The following LDB2 variants were observed in gnomAD, a reference collection of about 807,000 sequenced individuals.
The protein encoded by LDB2 is LIM domain-binding protein 2.
LDB2 carries 12 observed loss-of-function variants against 44.3 expected under a neutral mutation model. That is an observed-to-expected ratio of 0.27 (90% CI 0.17 to 0.44). The LOEUF (loss-of-function observed/expected upper bound fraction) is 0.44, where lower values mean the gene tolerates loss of function less well. Among genes scored for constraint, LDB2 ranks in the 20% least tolerant of loss-of-function variants. LDB2 has a pLI of 1.00. For missense variants in LDB2, 344 were observed against 473.5 expected, an observed-to-expected ratio of 0.73 and a Z score of 2.54; for synonymous variants, 164 against 174.8, an observed-to-expected ratio of 0.94 and a Z score of 0.49.
At chr4:16,807,837 A>G (rs1373294506) in intron 1 of LDB2, among the ~76,000 whole-genome samples, 1 of 152,252 alleles carries the variant, frequency 6.6e-6, no homozygotes, top group Non-Finnish European at 1.5e-5. Context: ...GCCTTGGCAC[A>G]TGAGAAATTG....
intron 2 of LDB2, among the ~76,000 whole-genome samples, chr4:16,652,910 A>C (rs1738715912): frequency 1.3e-5 from 2 of 152,220 alleles, no homozygotes; most frequent in Non-Finnish European, 2.9e-5. Context: ...TTCAGTAAAC[A>C]CTGAATATAA....
chr4:16,577,491 T>C (rs1712177138), intron 5 of LDB2, among the ~76,000 whole-genome samples: 1 of 151,950 alleles, frequency 6.6e-6, no homozygotes, highest in Non-Finnish European at 1.5e-5. Context: ...ACAAATTAAA[T>C]AAAATACCTA....
chr4:16,820,942 A>G (rs1293224102), intron 1 of LDB2, among the ~76,000 whole-genome samples: 1 of 152,218 alleles, frequency 6.6e-6, no homozygotes, highest in Non-Finnish European at 1.5e-5. Flanking sequence ...CTAAATGGCA[A>G]ATTTCCATTG....
At chr4:16,664,794 G>A (rs529943231) in intron 2 of LDB2, among the ~76,000 whole-genome samples, 22 of 152,304 alleles carry the variant, frequency 1.4e-4, no homozygotes, top group African/African-American at 5.3e-4. Context: ...GTGCACATTT[G>A]TACTCTCTGC....
chr4:16,576,326 A>G (rs187622347), intron 5 of LDB2, among the ~76,000 whole-genome samples: 137 of 152,266 alleles, frequency 9.0e-4, no homozygotes, highest in African/African-American at 3.0e-3. Flanking sequence ...TAAACAAATT[A>G]GAAAAACCTT....
chr4:16,825,172 G>A (rs1031104358), intron 1 of LDB2, among the ~76,000 whole-genome samples: 4 of 152,096 alleles, frequency 2.6e-5, no homozygotes, highest in African/African-American at 9.7e-5. Flanking sequence ...AAAAGGAAGC[G>A]ACCTGTTTCA....
chr4:16,665,900 TGAA>T (rs1743024386), intron 2 of LDB2, among the ~76,000 whole-genome samples: 1 of 152,120 alleles, frequency 6.6e-6, no homozygotes, highest in African/African-American at 2.4e-5. Context: ...GGAGGCCATG[TGAA>T]GAAGGAGGCA....
At chr4:16,876,896 T>C (rs1302988049) in intron 1 of LDB2, among the ~76,000 whole-genome samples, 6 of 149,182 alleles carry the variant, frequency 4.0e-5, no homozygotes, top group Non-Finnish European at 8.9e-5. Flanking sequence ...AATGTGGAAT[T>C]TGTATAGTGC....
intron 1 of LDB2, among the ~76,000 whole-genome samples, chr4:16,881,583 C>A (rs939587675): frequency 7.1e-6 from 1 of 141,140 alleles, no homozygotes; most frequent in Non-Finnish European, 1.5e-5. Flanking sequence ...TACTGTCATT[C>A]GGGGAGGGGA....
chr4:16,881,570 C>T lies in LDB2; in HGVS notation c.132+16784G>A, dbSNP rs142507703. ...ATTTGCTTTCTTCCTAAAGTTCTCT[C>T]GATACTGTCATTCGGGGAGGGGAAT... On this transcript the variant is annotated intron_variant, in intron 1 of 7. Coordinates refer to ENST00000304523, the MANE Select transcript of LDB2 (RefSeq NM_001290.5). Among the ~76,000 whole-genome samples, 208 of 146,940 alleles carry T rather than the reference C, an allele frequency of 1.4e-3. 3 individuals are homozygous for T. In the East Asian group the frequency reaches 0.019, roughly 13 times the overall value.
chr4:16,649,468 A>G (rs1737676340), intron 2 of LDB2, among the ~76,000 whole-genome samples: 1 of 152,242 alleles, frequency 6.6e-6, no homozygotes, highest in Non-Finnish European at 1.5e-5. Context: ...ACAAAGCAGC[A>G]TAGCCATTAC....
At chr4:16,887,219 T>TG (rs1722012502) in intron 1 of LDB2, among the ~76,000 whole-genome samples, 3 of 143,316 alleles carry the variant, frequency 2.1e-5, no homozygotes. Flanking sequence ...TGCTAAGACT[T>TG]GAAAAAAAAA....
chr4:16,522,277 T>TGTGTGTGC (rs1491178181), intron 5 of LDB2, among the ~76,000 whole-genome samples: 9 of 18,734 alleles, frequency 4.8e-4, no homozygotes, highest in Non-Finnish European at 1.2e-3. Context: ...TGTGTGTGTT[T>TGTGTGTGC]GTGTGTGTGT....
At chr4:16,520,268 A>T (rs1476090130) in intron 5 of LDB2, among the ~76,000 whole-genome samples, 1 of 149,160 alleles carries the variant, frequency 6.7e-6, no homozygotes, top group East Asian at 2.0e-4. Context: ...ATTAAGAAAC[A>T]CATAATGAAA....
At chr4:16,717,600 C>G (rs1757355585) in intron 2 of LDB2, among the ~76,000 whole-genome samples, 1 of 152,136 alleles carries the variant, frequency 6.6e-6, no homozygotes, top group African/African-American at 2.4e-5. Flanking sequence ...CTGTATGTCT[C>G]AAAGCATCAG....
intron 2 of LDB2, among the ~76,000 whole-genome samples, chr4:16,704,761 A>G (rs1250765678): frequency 2.6e-5 from 4 of 152,244 alleles, no homozygotes; most frequent in Non-Finnish European, 2.9e-5. Flanking sequence ...GGACAAGGAC[A>G]TAGATTCAAA....
intron 2 of LDB2, among the ~76,000 whole-genome samples, chr4:16,616,968 A>G (rs558082269): frequency 6.6e-6 from 1 of 152,254 alleles, no homozygotes; most frequent in South Asian, 2.1e-4. Flanking sequence ...CTCTTCAATT[A>G]TCCTACTCTT....
chr4:16,794,088 G>A (rs1272150290), intron 1 of LDB2, among the ~76,000 whole-genome samples: 4 of 152,148 alleles, frequency 2.6e-5, no homozygotes, highest in Non-Finnish European at 4.4e-5. Flanking sequence ...AAAGGGGACA[G>A]CACTGCTCTC....
chr4:16,759,788 TCA>T (rs980283734), intron 1 of LDB2, among the ~76,000 whole-genome samples: 9 of 152,330 alleles, frequency 5.9e-5, no homozygotes, highest in African/African-American at 2.2e-4. Flanking sequence ...ATAGAGAAGT[TCA>T]CACACAAGCG....
Sources: allele counts gnomAD v4.1 joint callset (sites outside exome capture counted in the v4.1 genomes callset), GRCh38; gene constraint gnomAD v4.1.1; transcripts MANE v1.5; gene names NCBI Gene and HGNC (gene_info 2026-07-23, HGNC 2026-07-21).